PDE8B: variants seen among roughly 807,000 people sequenced by gnomAD.
PDE8B encodes the protein high affinity cAMP-specific and IBMX-insensitive 3',5'-cyclic phosphodiesterase 8B.
Under a neutral mutation model 101.3 loss-of-function variants are expected in PDE8B, and 26 were observed. The ratio of observed to expected loss-of-function variants is 0.26; its 90% CI spans 0.19 to 0.36. The LOEUF (loss-of-function observed/expected upper bound fraction) is 0.36, where lower values mean the gene tolerates loss of function less well. Among genes scored for constraint, PDE8B ranks in the 10% least tolerant of loss-of-function variants. The probability of loss-of-function intolerance (pLI) is 1.00; values close to 1 mark genes in which losing one functional copy is unlikely to be tolerated. For missense variants in PDE8B, 810 were observed against 1,163.1 expected, an observed-to-expected ratio of 0.70 and a Z score of 4.42; for synonymous variants, 424 against 429.3, an observed-to-expected ratio of 0.99 and a Z score of 0.15.
In PDE8B at chr5:77,428,038, AATTCCATGCAAAGAAATGT is replaced by A. The variant is rs1242403722; in HGVS notation, c.*1487_*1505del. 1 of 152,232 alleles carries A rather than the reference AATTCCATGCAAAGAAATGT, an allele frequency of 6.6e-6. No individual in the cohort carries two copies. The highest frequency in any genetic ancestry group is 1.5e-5 in the Non-Finnish European group (1 of 68,040). 9.4% of individuals were successfully genotyped at this position (152,232 alleles called of 1,614,324 possible). On this transcript the variant is annotated 3_prime_UTR_variant, in exon 22 of 22. Transcript: ENST00000264917. ...TGTACCAAAAATGGAAAAATATGACAATTCCATGCAAAGAAATGTATCTAAATTATTTTTGTTAGATGAT... is the reference window on the plus strand; with the variant it reads ...TGTACCAAAAATGGAAAAATATGACAATCTAAATTATTTTTGTTAGATGAT...
At chr5:77,338,794 A>G (rs1473947615) in intron 6 of PDE8B, among the ~76,000 whole-genome samples, 2 of 152,336 alleles carry the variant, frequency 1.3e-5, no homozygotes, top group Middle Eastern at 3.4e-3. Flanking sequence ...TAATTCTTCA[A>G]CTGTGTATTA....
intron 10 of PDE8B, among the ~76,000 whole-genome samples, chr5:77,372,895 G>T (rs1785310540): frequency 6.6e-6 from 1 of 152,228 alleles, no homozygotes; most frequent in African/African-American, 2.4e-5. Context: ...GGGTGTAGCG[G>T]CGTGCCGCTA....
intron 10 of PDE8B, among the ~76,000 whole-genome samples, chr5:77,368,565 C>G (rs2150645305): frequency 6.6e-6 from 1 of 152,300 alleles, no homozygotes; most frequent in East Asian, 1.9e-4. Context: ...TCACACAGCC[C>G]AGCACTCAGC....
chr5:77,166,173 C>T, the PDE8B span, among the ~76,000 whole-genome samples: 1 of 144,634 alleles, frequency 6.9e-6, no homozygotes, highest in Non-Finnish European at 1.5e-5. Context: ...TGGGCCTGTC[C>T]TGGCATAGTT....
chr5:77,293,181 G>A (rs1430551029), intron 1 of PDE8B, among the ~76,000 whole-genome samples: 1 of 152,148 alleles, frequency 6.6e-6, no homozygotes, highest in East Asian at 1.9e-4. Context: ...GTATAGATAT[G>A]TGTAAAATTG....
the PDE8B span, among the ~76,000 whole-genome samples, chr5:77,159,996 A>G: frequency 2.0e-5 from 3 of 152,202 alleles, no homozygotes; most frequent in African/African-American, 7.2e-5. Context: ...TGCTTTCTGG[A>G]ACACAGACAC....
At chr5:77,344,959 A>T (rs370653898) in intron 7 of PDE8B, 28 bp downstream of exon 7, 1 of 1,450,728 alleles carries the variant, frequency 6.9e-7, no homozygotes, top group Non-Finnish European at 9.7e-7. Context: ...CTCTATCATT[A>T]ACATTCAAAA....
chr5:77,381,175 T>C (rs751220935), intron 10 of PDE8B, among the ~76,000 whole-genome samples: 2 of 152,116 alleles, frequency 1.3e-5, no homozygotes, highest in Non-Finnish European at 2.9e-5. Flanking sequence ...ATGTGGGAGT[T>C]TTAAACAGGA....
At chr5:77,328,846 G>A in intron 3 of PDE8B, 152 bp from the exon 4 acceptor site, 3 of 714,284 alleles carry the variant, frequency 4.2e-6, no homozygotes, top group Non-Finnish European at 7.6e-6. Flanking sequence ...ATCCACAAGG[G>A]CATCTTTCTT....
chr5:77,313,070 A>G (rs1773040792), intron 2 of PDE8B, among the ~76,000 whole-genome samples: 1 of 152,234 alleles, frequency 6.6e-6, no homozygotes. Flanking sequence ...TGTTAGGCCT[A>G]AATAAGTTAA....
the PDE8B span, among the ~76,000 whole-genome samples, chr5:77,170,589 A>G: frequency 3.9e-5 from 6 of 152,222 alleles, no homozygotes; most frequent in Non-Finnish European, 5.9e-5. Context: ...CTTTCTTGTT[A>G]TTGTTTTAAG....
intron 1 of PDE8B, among the ~76,000 whole-genome samples, chr5:77,229,483 G>A (rs1422047835): frequency 6.6e-6 from 1 of 152,180 alleles, no homozygotes; most frequent in Non-Finnish European, 1.5e-5. Context: ...GAAGTGCACA[G>A]TTCTTTGCTT....
chr5:77,379,563 T>C, intron 10 of PDE8B, among the ~76,000 whole-genome samples: 1 of 152,130 alleles, frequency 6.6e-6, no homozygotes, highest in East Asian at 1.9e-4. Flanking sequence ...CTACAGCATT[T>C]GGAGAACTTG....
At chr5:77,313,997 T>A (rs1773256733) in intron 2 of PDE8B, among the ~76,000 whole-genome samples, 1 of 152,224 alleles carries the variant, frequency 6.6e-6, no homozygotes, top group Admixed American at 6.5e-5. Context: ...TCTAAGGTTG[T>A]AAACATTTAC....
In PDE8B at chr5:77,385,851, C is replaced by T. The variant is rs187286209; in HGVS notation, c.1168-14397C>T. Among the ~76,000 whole-genome samples, 255 of 141,990 alleles carry T rather than the reference C, an allele frequency of 1.8e-3. 2 individuals carry two copies. The highest frequency in any genetic ancestry group is 6.4e-3 in the African/African-American group (236 of 37,158). The allele number at this position is 141,990 out of a possible 152,430, so 93.2% of individuals were successfully genotyped here. On this transcript the variant is annotated intron_variant, in intron 10 of 21. Coordinates refer to ENST00000264917, the MANE Select transcript of PDE8B (RefSeq NM_003719.5). ...CTTGCACTGTCGCAGTGCAATGGCA[C>T]GATCTCAGCTCACTGCAACCTCCGC...
intron 10 of PDE8B, among the ~76,000 whole-genome samples, chr5:77,381,382 C>G (rs958540879): frequency 2.6e-5 from 4 of 152,184 alleles, no homozygotes; most frequent in African/African-American, 9.6e-5. Flanking sequence ...AAGGATGACC[C>G]CTGGCTTGCA....
At chr5:77,337,584 G>T (rs1002987103) in intron 6 of PDE8B, among the ~76,000 whole-genome samples, 8 of 152,088 alleles carry the variant, frequency 5.3e-5, no homozygotes, top group African/African-American at 1.9e-4. Flanking sequence ...CTTAATTTTT[G>T]CACAATTAGA....
chr5:77,244,904 T>G (rs548514142), intron 1 of PDE8B, among the ~76,000 whole-genome samples: 1 of 152,114 alleles, frequency 6.6e-6, no homozygotes, highest in Non-Finnish European at 1.5e-5. Context: ...AAACTTGTCA[T>G]CCAGGGCAGG....
intron 2 of PDE8B, among the ~76,000 whole-genome samples, chr5:77,316,075 A>G (rs1773711695): frequency 6.6e-6 from 1 of 151,850 alleles, no homozygotes; most frequent in South Asian, 2.1e-4. Flanking sequence ...GAGTGTGAAT[A>G]CTGATATAGT....
Sources: gnomAD v4.1 joint callset for allele counts (sites outside exome capture counted in the v4.1 genomes callset) on GRCh38, gnomAD v4.1.1 for gene constraint, MANE v1.5 for transcripts, NCBI Gene and HGNC (gene_info 2026-07-23, HGNC 2026-07-21) for gene names.